The following RELN variants were observed in gnomAD, a reference collection of about 807,000 sequenced individuals.
The protein encoded by RELN is reelin.
In RELN, 108 loss-of-function variants were observed where a neutral mutation model predicts 427.6. The observed-to-expected ratio is 0.25, with a 90% confidence interval of 0.22 to 0.30. The LOEUF (loss-of-function observed/expected upper bound fraction) is 0.30. Among genes scored for constraint, RELN ranks in the 10% least tolerant of loss-of-function variants. The probability of loss-of-function intolerance (pLI) is 1.00; values close to 1 mark genes in which losing one functional copy is unlikely to be tolerated. For synonymous variants in RELN, 1,524 were observed against 1,513.4 expected, an observed-to-expected ratio of 1.01 and a Z score of -0.16; for missense variants, 3,715 against 4,302.8, an observed-to-expected ratio of 0.86 and a Z score of 3.82.
intron 52 of RELN, among the ~76,000 whole-genome samples, chr7:103,502,696 G>T (rs1237003006): frequency 6.6e-6 from 1 of 152,162 alleles, no homozygotes; most frequent in South Asian, 2.1e-4. Context: ...CAGTCTACAA[G>T]GTTGAGAAGG....
chr7:103,920,581 T>G (rs200722185), intron 1 of RELN, among the ~76,000 whole-genome samples: 2 of 53,378 alleles, frequency 3.7e-5, no homozygotes, highest in Non-Finnish European at 7.8e-5. Flanking sequence ...TTTTTTTTGT[T>G]TTTTTTTTTT....
At chr7:103,511,110 C>A in intron 50 of RELN, 105 bp from the exon 51 acceptor site, 1 of 761,406 alleles carries the variant, frequency 1.3e-6, no homozygotes. Flanking sequence ...AGAAACTGCT[C>A]ATATTATATA....
chr7:103,713,298 T>C (rs1457066714), intron 8 of RELN, among the ~76,000 whole-genome samples: 3 of 152,170 alleles, frequency 2.0e-5, no homozygotes, highest in Non-Finnish European at 4.4e-5. Context: ...GCATTTGGTA[T>C]AGAAAGATCA....
At chr7:103,755,131 A>ATTT (rs147422867) in intron 4 of RELN, among the ~76,000 whole-genome samples, 4 of 151,712 alleles carry the variant, frequency 2.6e-5, no homozygotes, top group Non-Finnish European at 4.4e-5. Flanking sequence ...GACCGAAGGG[A>ATTT]TTTTTTTGTT....
chr7:103,912,818 A>G (rs1053763641), intron 2 of RELN, among the ~76,000 whole-genome samples: 6 of 152,182 alleles, frequency 3.9e-5, no homozygotes, highest in African/African-American at 1.4e-4. Flanking sequence ...ACAATTTTGT[A>G]TGAAAGGATA....
At chr7:103,808,471 G>T (rs993124612) in intron 3 of RELN, among the ~76,000 whole-genome samples, 2 of 151,848 alleles carry the variant, frequency 1.3e-5, no homozygotes, top group African/African-American at 4.8e-5. Context: ...GCTCCCCCTG[G>T]CATGGAACTT....
chr7:103,926,099 C>CTTTTTTT (rs55899563), intron 1 of RELN, among the ~76,000 whole-genome samples: 6,022 of 89,924 alleles, frequency 0.067, 720 homozygotes, highest in Non-Finnish European at 0.076. Context: ...CCCACCCCGC[C>CTTTTTTT]TTTTTTTTTT....
At chr7:103,975,835 C>T (rs760457754) in intron 1 of RELN, among the ~76,000 whole-genome samples, 29 of 151,766 alleles carry the variant, frequency 1.9e-4, no homozygotes, top group Non-Finnish European at 2.6e-4. Context: ...CGTGAGCCAC[C>T]GCACCCGGCC....
intron 19 of RELN, among the ~76,000 whole-genome samples, chr7:103,633,962 T>C (rs1032393098): frequency 2.6e-5 from 4 of 152,132 alleles, no homozygotes; most frequent in African/African-American, 9.7e-5. Context: ...ACAGGGAAAA[T>C]ACCCAATACA....
At chr7:103,589,489 T>C (rs984344523) in intron 28 of RELN, 107 bp downstream of exon 28, 2 of 780,590 alleles carry the variant, frequency 2.6e-6, no homozygotes, top group African/African-American at 1.7e-5. Flanking sequence ...TTTCCCAGAA[T>C]TGTATTTTCG....
At chr7:103,818,316 T>C (rs1009844930) in intron 3 of RELN, among the ~76,000 whole-genome samples, 3 of 152,206 alleles carry the variant, frequency 2.0e-5, no homozygotes, top group South Asian at 4.1e-4. Context: ...AAGGCATTTA[T>C]TGAAATCCAA....
At chr7:103,863,845 T>G (rs987016134) in intron 2 of RELN, among the ~76,000 whole-genome samples, 1 of 151,970 alleles carries the variant, frequency 6.6e-6, no homozygotes, top group Admixed American at 6.6e-5. Context: ...AAAAAAATCC[T>G]CTAAGTTTTG....
At chr7:103,604,914 C>A (rs1831780725) in intron 22 of RELN, among the ~76,000 whole-genome samples, 1 of 150,062 alleles carries the variant, frequency 6.7e-6, no homozygotes, top group Non-Finnish European at 1.5e-5. Flanking sequence ...ACTGCAACAT[C>A]CGCCTCCTGG....
At chr7:103,518,686 C>G (rs998926274) in intron 49 of RELN, among the ~76,000 whole-genome samples, 1 of 151,858 alleles carries the variant, frequency 6.6e-6, no homozygotes, top group African/African-American at 2.4e-5. Flanking sequence ...CAGCCTCCCC[C>G]TGGACCCTGC....
At chr7:103,842,066 TTTA>T (rs1793564546) in intron 2 of RELN, among the ~76,000 whole-genome samples, 1 of 152,172 alleles carries the variant, frequency 6.6e-6, no homozygotes. Context: ...AAAGAAATAT[TTTA>T]TTATTTCAAA....
chr7:103,760,434 T>C (rs1047215169), intron 4 of RELN, among the ~76,000 whole-genome samples: 4 of 152,132 alleles, frequency 2.6e-5, no homozygotes, highest in African/African-American at 9.7e-5. Context: ...TTCAACTGAC[T>C]TATTTTGGAT....
chr7:103,872,826 GT>G (rs1794381808), intron 2 of RELN, among the ~76,000 whole-genome samples: 1 of 147,100 alleles, frequency 6.8e-6, no homozygotes, highest in Non-Finnish European at 1.5e-5. Flanking sequence ...GATGATGAGT[GT>G]TTTTTCATGT....
At chr7:103,895,885 A>G (rs1475546488) in intron 2 of RELN, among the ~76,000 whole-genome samples, 2 of 152,134 alleles carry the variant, frequency 1.3e-5, no homozygotes, top group East Asian at 3.8e-4. Context: ...TTAAGGCAAC[A>G]TGGAGAAAAA....
At chr7:103,933,194 A>G (rs971933118) in intron 1 of RELN, among the ~76,000 whole-genome samples, 4 of 152,180 alleles carry the variant, frequency 2.6e-5, no homozygotes, top group African/African-American at 7.2e-5. Flanking sequence ...AGACATAAAC[A>G]ATAGTAAAAG....
Sources: gnomAD v4.1 joint callset for allele counts (sites outside exome capture counted in the v4.1 genomes callset) on GRCh38, gnomAD v4.1.1 for gene constraint, MANE v1.5 for transcripts, NCBI Gene and HGNC (gene_info 2026-07-23, HGNC 2026-07-21) for gene names.